DPF3: variants seen among roughly 807,000 people sequenced by gnomAD.
DPF3 encodes the protein double PHD fingers 3.
Under a neutral mutation model 56.8 loss-of-function variants are expected in DPF3, and 18 were observed. The ratio of observed to expected loss-of-function variants is 0.32; its 90% CI spans 0.22 to 0.47. The LOEUF (loss-of-function observed/expected upper bound fraction) is 0.47. Among genes scored for constraint, DPF3 ranks in the 20% least tolerant of loss-of-function variants. The probability of loss-of-function intolerance (pLI) is 1.00; values close to 1 mark genes in which losing one functional copy is unlikely to be tolerated. For missense variants in DPF3, 403 were observed against 488.8 expected (o/e 0.82, Z 1.65); for synonymous variants, 188 against 180.2 (o/e 1.04, Z -0.35).
At chr14:72,705,803 G>C (rs1348467977) in intron 6 of DPF3, among the ~76,000 whole-genome samples, 1 of 152,228 alleles carries the variant, frequency 6.6e-6, no homozygotes, top group South Asian at 2.1e-4. Context: ...AGTCCAGCCT[G>C]AGGGAGCAGA....
chr14:72,821,646 G>C (rs1007483455), intron 1 of DPF3, among the ~76,000 whole-genome samples: 1 of 151,350 alleles, frequency 6.6e-6, no homozygotes. Context: ...CTTATGGGTA[G>C]AGAAACACAT....
intron 3 of DPF3, among the ~76,000 whole-genome samples, chr14:72,736,280 G>C (rs923951228): frequency 6.6e-6 from 1 of 152,026 alleles, no homozygotes; most frequent in Admixed American, 6.5e-5. Context: ...AAGTCTGGTG[G>C]GTATTTTCCA....
intron 1 of DPF3, among the ~76,000 whole-genome samples, chr14:72,885,041 G>A (rs772037054): frequency 2.1e-4 from 30 of 139,626 alleles, no homozygotes; most frequent in Non-Finnish European, 4.2e-4. Context: ...ATGGGGAATG[G>A]CGTGAACCCG....
At chr14:72,743,500 G>T (rs1268377228) in intron 3 of DPF3, among the ~76,000 whole-genome samples, 1 of 151,964 alleles carries the variant, frequency 6.6e-6, no homozygotes, top group South Asian at 2.1e-4. Context: ...CGAAGGTCTG[G>T]GGTTGAAAGA....
At position 72,613,058 on chromosome 14, in the gene DPF3, G is replaced by A. The variant is rs377320440; in HGVS notation, c.*6239C>T. Among the ~76,000 whole-genome samples the A allele has an allele frequency of 6.6e-6, 1 of 152,016 alleles. No homozygotes were observed. Among genetic ancestry groups the A allele is most frequent in the Non-Finnish European group, 1.5e-5 (1 of 68,002 alleles). ...TGTGCGTGCGTGCACGCACGCGCAT[G>A]CACATGGGCATTCCTGTTCTCATCA... is the stretch of plus-strand genomic sequence containing the variant. On this transcript the variant is annotated 3_prime_UTR_variant, in exon 11 of 11. Transcript: ENST00000556509.
chr14:72,694,115 A>G (rs574201173), intron 6 of DPF3, among the ~76,000 whole-genome samples: 1 of 152,346 alleles, frequency 6.6e-6, no homozygotes, highest in Admixed American at 6.5e-5. Context: ...TTAGATGCTC[A>G]GTTCCTGGGA....
intron 8 of DPF3, among the ~76,000 whole-genome samples, chr14:72,653,420 A>T (rs988152366): frequency 6.6e-6 from 1 of 152,224 alleles, no homozygotes; most frequent in Non-Finnish European, 1.5e-5. Context: ...CCTACCGACA[A>T]GGTGAGGTGA....
chr14:72,732,043 C>A, intron 3 of DPF3, 109 bp from the exon 4 acceptor site: 1 of 1,383,896 alleles, frequency 7.2e-7, no homozygotes, highest in South Asian at 1.4e-5. Flanking sequence ...GGACTCGGGG[C>A]CTGTGCTCTC....
intron 8 of DPF3, among the ~76,000 whole-genome samples, chr14:72,638,673 C>CA (rs1885454694): frequency 6.6e-6 from 1 of 151,988 alleles, no homozygotes; most frequent in Middle Eastern, 3.2e-3. Context: ...TTTTTTCTTC[C>CA]AAAAAATATT....
intron 7 of DPF3, among the ~76,000 whole-genome samples, chr14:72,679,894 C>A (rs372912046): frequency 1.3e-5 from 2 of 152,308 alleles, no homozygotes; most frequent in East Asian, 3.9e-4. Flanking sequence ...AGCTTGGGGG[C>A]CGGAGATGAG....
intron 7 of DPF3, among the ~76,000 whole-genome samples, chr14:72,675,131 C>T (rs990466799): frequency 6.6e-6 from 1 of 152,220 alleles, no homozygotes; most frequent in Admixed American, 6.5e-5. Flanking sequence ...TAACTGAACA[C>T]ACTAACTTCA....
chr14:72,683,041 T>G (rs1045555140), intron 7 of DPF3, among the ~76,000 whole-genome samples: 4 of 152,104 alleles, frequency 2.6e-5, no homozygotes, highest in African/African-American at 9.7e-5. Context: ...AAATGCAAAT[T>G]CCCAGTCAGG....
At chr14:72,710,993 C>G (rs1009468106) in intron 6 of DPF3, among the ~76,000 whole-genome samples, 2 of 152,186 alleles carry the variant, frequency 1.3e-5, no homozygotes, top group Non-Finnish European at 2.9e-5. Flanking sequence ...TCTCTATCAC[C>G]TGCAGTTAGC....
Position 72,613,834 on chromosome 14 carries a change from C to G in DPF3, c.*5463G>C, listed in dbSNP as rs370719542. 1.0e-2 allele frequency among the ~76,000 whole-genome samples: 1,518 copies of G among 152,310 alleles called. 24 individuals are homozygous for G. The highest frequency in any genetic ancestry group is 0.035 in the African/African-American group (1,440 of 41,554). ...GGGCTGCGCACATGGAGGGGGCGCC[C>G]GCCGCACAGCCAGGCCTCCCCGGGG... On this transcript the variant is annotated 3_prime_UTR_variant, in exon 11 of 11. Transcript: ENST00000556509.
intron 2 of DPF3, among the ~76,000 whole-genome samples, chr14:72,758,233 G>A (rs1462196489): frequency 6.6e-6 from 1 of 152,032 alleles, no homozygotes; most frequent in Non-Finnish European, 1.5e-5. Context: ...AAGAGAGGAA[G>A]AAAAAAATCA....
intron 7 of DPF3, among the ~76,000 whole-genome samples, chr14:72,687,215 C>T (rs756058554): frequency 2.0e-5 from 3 of 152,140 alleles, no homozygotes; most frequent in Admixed American, 6.5e-5. Flanking sequence ...GGCATACCAC[C>T]CTTGCACAAA....
intron 8 of DPF3, chr14:72,669,847 G>GAAAACA: frequency 1.0e-6 from 1 of 975,872 alleles, no homozygotes; most frequent in Non-Finnish European, 1.2e-6. Flanking sequence ...CCAAACCCAG[G>GAAAACA]AAAACAAAAA....
chr14:72,691,756 G>T (rs1887696278), intron 7 of DPF3, among the ~76,000 whole-genome samples: 1 of 151,788 alleles, frequency 6.6e-6, no homozygotes, highest in Non-Finnish European at 1.5e-5. Flanking sequence ...GAGGAAATGT[G>T]GACACAAAAG....
intron 1 of DPF3, among the ~76,000 whole-genome samples, chr14:72,844,235 C>T (rs1884662395): frequency 6.6e-6 from 1 of 152,178 alleles, no homozygotes; most frequent in African/African-American, 2.4e-5. Flanking sequence ...TAGAAAACTG[C>T]CTCCACACAT....
Sources: gnomAD v4.1 joint callset for allele counts (sites outside exome capture counted in the v4.1 genomes callset) on GRCh38, gnomAD v4.1.1 for gene constraint, MANE v1.5 for transcripts, NCBI Gene and HGNC (gene_info 2026-07-23, HGNC 2026-07-21) for gene names.